The following LRRC9 variants were observed in gnomAD, a reference collection of about 807,000 sequenced individuals.
The protein encoded by LRRC9 is leucine-rich repeat-containing protein 9.
A neutral mutation model predicts 63.2 loss-of-function variants in LRRC9; 122 were observed. That is an observed-to-expected ratio of 1.93 (90% CI 1.67 to 2.24). The LOEUF (loss-of-function observed/expected upper bound fraction) is 2.24, where lower values mean the gene tolerates loss of function less well. Ranked by LOEUF, LRRC9 falls within the 30% of genes most tolerant of loss-of-function variation. LRRC9 has a pLI of 0.00. For missense variants in LRRC9, 1,071 were observed against 627.7 expected, an observed-to-expected ratio of 1.71 and a Z score of -7.55; for synonymous variants, 366 against 213.1, an observed-to-expected ratio of 1.72 and a Z score of -6.25.
intron 17 of LRRC9, among the ~76,000 whole-genome samples, chr14:59,996,506 A>C (rs962406011): frequency 6.6e-6 from 1 of 152,214 alleles, no homozygotes; most frequent in Non-Finnish European, 1.5e-5. Context: ...AACATAACAA[A>C]TTAAAGTCTT....
At chr14:60,034,029 T>C (rs1215603905) in intron 29 of LRRC9, among the ~76,000 whole-genome samples, 1 of 144,932 alleles carries the variant, frequency 6.9e-6, no homozygotes, top group Admixed American at 6.8e-5. Context: ...TTTTTTTTTT[T>C]TTTTTTTTTG....
intron 20 of LRRC9, among the ~76,000 whole-genome samples, chr14:60,002,762 A>G (rs1247653701): frequency 6.6e-6 from 1 of 152,206 alleles, no homozygotes; most frequent in African/African-American, 2.4e-5. Flanking sequence ...ATAAAGGTGC[A>G]CTAAAACTTA....
rs1002172802 is a variant in LRRC9, at chr14:60,061,995, T to A, written c.4277-1328T>A. On this transcript the variant is annotated intron_variant, in intron 31 of 31. Coordinates refer to ENST00000445360, the Ensembl canonical transcript of LRRC9. ...TCATAATTTTAATTTTTCAAATTTC[T>A]AATTTCTAATTTCAGACAAAAAAAA... is the stretch of plus-strand genomic sequence containing the variant. 4.0e-5 allele frequency: 16 copies of A among 398,638 alleles called. No homozygotes were observed. The highest frequency in any genetic ancestry group is 1.2e-3 in the Middle Eastern group (2 of 1,606). 24.7% of individuals were successfully genotyped at this position (398,638 alleles called of 1,614,324 possible). A position where few individuals can be genotyped will look rare whatever the true frequency, so the allele number is the denominator to read the frequency against.
At chr14:59,974,814 T>A (rs1885937961) in intron 13 of LRRC9, 106 bp downstream of exon 13, 1 of 494,392 alleles carries the variant, frequency 2.0e-6, no homozygotes, top group Admixed American at 4.0e-5. Flanking sequence ...CAAGGAGATG[T>A]TCTTCAAACC....
At position 60,000,391 on chromosome 14, in the gene LRRC9, C is replaced by T. The variant is rs189057036; in HGVS notation, c.2529+1165C>T. ...AATCCTACCCCAAACCTCAACATTA[C>T]GAAATGTCTCCTTGTAACAAACCTG... On this transcript the variant is annotated intron_variant, in intron 19 of 31. Transcript: ENST00000445360. Among the ~76,000 whole-genome samples, 450 of 152,138 alleles carry T rather than the reference C, an allele frequency of 3.0e-3. 1 individual carries two copies. Among genetic ancestry groups the T allele is most frequent in the Admixed American group, 4.7e-3 (71 of 15,260 alleles).
rs1473231548 is a variant in LRRC9 at position 60,060,350 on chromosome 14, T to C, written c.4276+2328T>C. Among the ~76,000 whole-genome samples, 1 of 152,234 alleles carries C rather than the reference T, an allele frequency of 6.6e-6. No individual in the cohort carries two copies. The highest frequency in any genetic ancestry group is 1.9e-4 in the East Asian group (1 of 5,204). Reference sequence around the variant, plus strand: ...AGGAGATGAATGTTGTTTTCATGCCTGCTAACACAACATCCATGCTGTGGC... The same window carrying C: ...AGGAGATGAATGTTGTTTTCATGCCCGCTAACACAACATCCATGCTGTGGC... On this transcript the variant is annotated intron_variant, in intron 31 of 31. Coordinates refer to ENST00000445360, the Ensembl canonical transcript of LRRC9. The surrounding 1 kb of genome is among the most constrained non-coding windows in gnomAD (Gnocchi z 4.0).
intron 8 of LRRC9, among the ~76,000 whole-genome samples, chr14:59,957,091 C>T (rs1883840250): frequency 1.3e-5 from 2 of 152,016 alleles, no homozygotes; most frequent in African/African-American, 4.8e-5. Flanking sequence ...CTTGGAGAAT[C>T]TCACGATGTG....
At chr14:60,057,612 G>A (rs1412600624) in intron 30 of LRRC9, 2 of 214,294 alleles carry the variant, frequency 9.3e-6, no homozygotes, top group African/African-American at 2.3e-5. Flanking sequence ...AGGGCGAGTT[G>A]CCATTAAGCA....
intron 6 of LRRC9, among the ~76,000 whole-genome samples, chr14:59,937,474 C>G (rs537342226): frequency 2.0e-5 from 3 of 151,964 alleles, no homozygotes; most frequent in African/African-American, 7.3e-5. Flanking sequence ...GGGGATGAAA[C>G]AAGGCTCCCA....
chr14:60,007,442 T>A (rs1889903634), intron 22 of LRRC9, among the ~76,000 whole-genome samples: 1 of 152,172 alleles, frequency 6.6e-6, no homozygotes, highest in South Asian at 2.1e-4. Flanking sequence ...CAAAGGCATA[T>A]CAAAGTGTCT....
At chr14:59,926,115 TTTATAAA>T (rs1185691397) in intron 1 of LRRC9, among the ~76,000 whole-genome samples, 1 of 152,196 alleles carries the variant, frequency 6.6e-6, no homozygotes, top group Admixed American at 6.5e-5. Flanking sequence ...ACCTCTTTCC[TTTATAAA>T]TTATCCAGTC....
Position 60,017,125 on chromosome 14 carries a change from C to T in LRRC9, c.3317+335C>T, listed in dbSNP as rs1456202871. On this transcript the variant is annotated intron_variant, in intron 24 of 31. Coordinates refer to ENST00000445360, the Ensembl canonical transcript of LRRC9. This position sits in a 1 kb window ranked among gnomAD's most constrained non-coding sequence, Gnocchi z 4.0. The stretch of plus-strand genomic sequence containing the variant: ...TCTCCAATCATGGGCTCAAGTGGTT[C>T]ACCTGCCTCAGTCTCCCAAAGTGTT... Among the ~76,000 whole-genome samples, 1 of 152,024 alleles carries T rather than the reference C, an allele frequency of 6.6e-6. No homozygotes were observed. The highest frequency in any genetic ancestry group is 1.5e-5 in the Non-Finnish European group (1 of 67,990).
At position 60,042,019 on chromosome 14, in the gene LRRC9, A is replaced by G. The variant is rs1892992946; in HGVS notation, c.3990+9956A>G. 6.6e-6 allele frequency among the ~76,000 whole-genome samples: 1 copy of G among 152,230 alleles called. No homozygotes were observed. Among genetic ancestry groups the G allele is most frequent in the Non-Finnish European group, 1.5e-5 (1 of 68,044 alleles). On this transcript the variant is annotated intron_variant, in intron 29 of 31. Transcript: ENST00000445360. The surrounding 1 kb of genome is among the most constrained non-coding windows in gnomAD (Gnocchi z 4.2). ...TTGGAGTTTGCTGGAGGTCCACTCC[A>G]GACCCTGTTTGCCTGGGTATCACCA...
chr14:59,977,636 T>C (rs908071698), intron 14 of LRRC9, among the ~76,000 whole-genome samples: 2 of 151,714 alleles, frequency 1.3e-5, no homozygotes, highest in Non-Finnish European at 2.9e-5. Context: ...GCACCCGACT[T>C]TTAACAAGAG....
rs955106892 is a variant in LRRC9, at chr14:59,953,801, A to G, written c.883-6017A>G. Among the ~76,000 whole-genome samples the G allele has an allele frequency of 2.6e-5, 4 of 152,166 alleles. No homozygotes were observed. The South Asian group carries it at 8.3e-4, about 31-fold the overall frequency. On this transcript the variant is annotated intron_variant, in intron 8 of 31. Transcript: ENST00000445360. ...GGGTTTTTATGGTTTTGGGTTTTACATTTAAGTCTTTGATTCATCTTGAGT... is the reference window on the plus strand; with the variant it reads ...GGGTTTTTATGGTTTTGGGTTTTACGTTTAAGTCTTTGATTCATCTTGAGT...
chr14:59,965,379 C>T (rs967690140), intron 10 of LRRC9, among the ~76,000 whole-genome samples: 45 of 152,282 alleles, frequency 3.0e-4, no homozygotes, highest in Non-Finnish European at 5.0e-4. Context: ...GAGCCTTTTT[C>T]AGTTTAGAAA....
At chr14:59,976,884 T>C (rs1353186481) in intron 13 of LRRC9, among the ~76,000 whole-genome samples, 1 of 152,248 alleles carries the variant, frequency 6.6e-6, no homozygotes, top group African/African-American at 2.4e-5. Context: ...TAGGTGCTAC[T>C]GAACTTTTAC....
Position 59,922,610 on chromosome 14 carries a change from AG to A in LRRC9, c.-34+2729del, listed in dbSNP as rs1888882215. ...GGAAAAGGGATTTGTTTTGGACAAA[AG>A]GAAGAACACCTACTAAGACAGGAGT... On this transcript the variant is annotated intron_variant, in intron 1 of 31. Transcript: ENST00000445360. The surrounding 1 kb of genome is among the most constrained non-coding windows in gnomAD (Gnocchi z 5.3). 6.6e-6 allele frequency among the ~76,000 whole-genome samples: 1 copy of A among 152,220 alleles called. No individual in the cohort carries two copies. Among genetic ancestry groups the A allele is most frequent in the Admixed American group, 6.5e-5 (1 of 15,286 alleles).
chr14:60,005,941 T>G (rs1463454251), intron 21 of LRRC9, among the ~76,000 whole-genome samples: 1 of 152,106 alleles, frequency 6.6e-6, no homozygotes, highest in Non-Finnish European at 1.5e-5. Context: ...CATAAGCAAG[T>G]AAAAGTAGGC....
Sources: allele counts gnomAD v4.1 joint callset (sites outside exome capture counted in the v4.1 genomes callset), GRCh38; gene constraint gnomAD v4.1.1; non-coding constraint Gnocchi (gnomAD v3.1); transcripts MANE v1.5; gene names NCBI Gene and HGNC (gene_info 2026-07-23, HGNC 2026-07-21).